POLR1A: variants seen among roughly 807,000 people sequenced by gnomAD.
POLR1A encodes RNA polymerase I subunit A, also known as DNA-directed RNA polymerase I subunit RPA1.
POLR1A carries 84 observed loss-of-function variants against 205.3 expected under a neutral mutation model. The observed-to-expected ratio is 0.41, with a 90% CI of 0.34 to 0.49. The LOEUF (loss-of-function observed/expected upper bound fraction) is 0.49, where lower values mean the gene tolerates loss of function less well. Among genes scored for constraint, POLR1A ranks in the 20% least tolerant of loss-of-function variants. POLR1A has a pLI of 0.22. For missense variants in POLR1A, 1,645 were observed against 2,204.5 expected (o/e 0.75, Z 5.08); for synonymous variants, 799 against 863.7 (o/e 0.93, Z 1.31).
At chr2:86,055,024 C>T (rs779062905) in intron 14 of POLR1A, among the ~76,000 whole-genome samples, 15 of 152,160 alleles carry the variant, frequency 9.9e-5, no homozygotes, top group East Asian at 1.9e-4. Flanking sequence ...AACGAGGGCG[C>T]GGTGGCTCAC....
intron 4 of POLR1A, 87 bp from the exon 5 acceptor site, chr2:86,088,957 T>C: frequency 1.0e-6 from 1 of 990,892 alleles, no homozygotes; most frequent in Non-Finnish European, 1.5e-6. Context: ...CACCTTTTAT[T>C]TTTAACCAGC....
At chr2:86,032,775 G>GTATC (rs1558762193) in intron 28 of POLR1A, among the ~76,000 whole-genome samples, 1 of 152,218 alleles carries the variant, frequency 6.6e-6, no homozygotes, top group Non-Finnish European at 1.5e-5. Flanking sequence ...AGAATACTGA[G>GTATC]TATCTCTTCC....
At chr2:86,078,530 ATT>A (rs1418367499) in intron 9 of POLR1A, among the ~76,000 whole-genome samples, 1 of 152,230 alleles carries the variant, frequency 6.6e-6, no homozygotes, top group African/African-American at 2.4e-5. Flanking sequence ...TGAACTCAAA[ATT>A]TATAAGCATG....
At position 86,082,878 on chromosome 2, in the gene POLR1A, T is replaced by C. The variant is rs114524590; in HGVS notation, c.817+204A>G. Among the ~76,000 whole-genome samples the C allele has an allele frequency of 6.9e-3, 1,049 of 152,322 alleles. 15 individuals carry two copies. The highest frequency in any genetic ancestry group is 0.023 in the African/African-American group (965 of 41,568). On this transcript the variant is annotated intron_variant, in intron 7 of 33. Coordinates refer to ENST00000263857, the MANE Select transcript of POLR1A (RefSeq NM_015425.6). ...TAACCAGGCTCAGCTGCGATAATTG[T>C]CAAGTTTTTGGTGCTGGGTATGACC...
chr2:86,086,089 G>T (rs1375834435), intron 6 of POLR1A, among the ~76,000 whole-genome samples: 1 of 151,658 alleles, frequency 6.6e-6, no homozygotes, highest in Admixed American at 6.6e-5. Context: ...ATGGGGTTTC[G>T]CTCTTGTTGC....
chr2:86,078,275 A>G lies in POLR1A; in HGVS notation c.1096T>C (p.Ser366Pro). 5.7e-6 allele frequency: 9 copies of G among 1,567,922 alleles called. No homozygotes were observed. The highest frequency in any genetic ancestry group is 6.0e-6 in the Non-Finnish European group (7 of 1,161,826). The change falls in exon 10 of 34, where the codon TCT becomes CCT. Residue 366 changes from serine to proline, a missense_variant. Around this residue, in one of 16 missense-constraint regions of POLR1A, gnomAD observed 78 missense variants for 77.7 expected, o/e 1.00. Transcript: ENST00000263857. The stretch of plus-strand genomic sequence containing the variant: ...AAGGATCGGTCAATAGCAATCAAAG[A>G]GTCTTTTTCCTGGAAGATGAAACCA... ...ATPTTDEEKDSLIAIDRSFLS... is the reference protein window; with the variant it reads ...ATPTTDEEKDPLIAIDRSFLS...
chr2:86,088,492 AC>A, intron 6 of POLR1A, 73 bp downstream of exon 6: 1 of 923,478 alleles, frequency 1.1e-6, no homozygotes, highest in Non-Finnish European at 1.8e-6. Flanking sequence ...GGTGAGGAGA[AC>A]CAGGTATTCC....
intron 15 of POLR1A, 123 bp downstream of exon 15, chr2:86,054,017 C>T (rs2104399929): frequency 1.1e-6 from 1 of 915,960 alleles, no homozygotes; most frequent in East Asian, 2.6e-5. Context: ...AGGCACAACG[C>T]CTTCTCTTCT....
rs1378065989 is a variant in POLR1A at position 86,043,094 on chromosome 2, G to A, written c.3237C>T (p.His1079=). 6.2e-7 allele frequency: 1 copy of A among 1,614,036 alleles called. No homozygotes were observed. Among genetic ancestry groups the A allele is most frequent in the Non-Finnish European group, 8.5e-7 (1 of 1,180,016 alleles). The change falls in exon 23 of 34, where the codon CAC becomes CAT. Residue 1079 remains histidine, a synonymous_variant. Transcript: ENST00000263857. ...FRAIKKWQSK[H]PNTLLRRGAF... ...CGCCTCTTCTCAGCAGGGTGTTGGG[G>A]TGCTTGCTTTGCCATTTTTTGATAG...
intron 7 of POLR1A, among the ~76,000 whole-genome samples, chr2:86,082,004 G>T (rs964547564): frequency 9.2e-5 from 14 of 151,662 alleles, no homozygotes; most frequent in African/African-American, 3.2e-4. Context: ...GCTAATTTTT[G>T]TATTTTTTTT....
intron 16 of POLR1A, among the ~76,000 whole-genome samples, chr2:86,051,519 C>A (rs1672802938): frequency 6.6e-6 from 1 of 152,258 alleles, no homozygotes; most frequent in Non-Finnish European, 1.5e-5. Context: ...ACTCTGTCTG[C>A]ACACGAGTGG....
intron 3 of POLR1A, among the ~76,000 whole-genome samples, chr2:86,096,624 T>C (rs1428937352): frequency 6.6e-6 from 1 of 152,110 alleles, no homozygotes; most frequent in Non-Finnish European, 1.5e-5. Flanking sequence ...AATCTGCATA[T>C]CTACAGCCAA....
chr2:86,071,228 A>ATGTGTG (rs3077169), intron 12 of POLR1A, among the ~76,000 whole-genome samples: 734 of 43,604 alleles, frequency 0.017, 5 homozygotes, highest in South Asian at 0.023. Context: ...CTCCGTGTGC[A>ATGTGTG]TGTGTGTGTG....
chr2:86,078,230 G>C lies in POLR1A; in HGVS notation c.1141C>G (p.Gln381Glu). ...DRSFLSTLPG[Q>E]SLIDKLYNIW... Reference sequence around the variant, plus strand: ...TTGTAAAGTTTGTCTATGAGGGACTGGCCTGGAAGTGTACTCAAAAAGGAT... The same window carrying C: ...TTGTAAAGTTTGTCTATGAGGGACTCGCCTGGAAGTGTACTCAAAAAGGAT... The change falls in exon 10 of 34, where the codon CAG (glutamine) becomes GAG (glutamate). Residue 381 changes from glutamine (Q) to glutamate (E), a missense_variant. By Grantham distance (29) the Gln-to-Glu change is conservative. Around this residue, in one of 16 missense-constraint regions of POLR1A, gnomAD observed 78 missense variants for 77.7 expected, o/e 1.00. Transcript: ENST00000263857. 6.2e-7 allele frequency: 1 copy of C among 1,606,974 alleles called. No individual in the cohort carries two copies.
chr2:86,081,707 C>T lies in POLR1A; in HGVS notation c.818-1G>A. 1 of 1,584,784 alleles carries T rather than the reference C, an allele frequency of 6.3e-7. No individual in the cohort carries two copies. The highest frequency in any genetic ancestry group is 8.6e-7 in the Non-Finnish European group (1 of 1,156,622). On this transcript the variant is annotated splice_acceptor_variant, in intron 7 of 33. Coordinates refer to ENST00000263857, the MANE Select transcript of POLR1A (RefSeq NM_015425.6). LOFTEE classifies it high-confidence loss of function. ...GAAAAAAGGTAGTTCAGAAAGAATCCTGCGTTGGAAAGAAATAAACCAAGA... is the reference window on the plus strand; with the variant it reads ...GAAAAAAGGTAGTTCAGAAAGAATCTTGCGTTGGAAAGAAATAAACCAAGA...
intron 28 of POLR1A, among the ~76,000 whole-genome samples, chr2:86,033,438 G>A (rs1201498289): frequency 6.6e-6 from 1 of 152,276 alleles, no homozygotes; most frequent in African/African-American, 2.4e-5. Flanking sequence ...CCTGCCCCGG[G>A]GCTGGCTACA....
intron 3 of POLR1A, among the ~76,000 whole-genome samples, chr2:86,096,555 G>A (rs1673706583): frequency 6.6e-6 from 1 of 152,134 alleles, no homozygotes; most frequent in Non-Finnish European, 1.5e-5. Context: ...AACCAAAACA[G>A]TAGGATACTG....
intron 28 of POLR1A, among the ~76,000 whole-genome samples, chr2:86,032,847 A>G (rs1184958255): frequency 6.6e-6 from 1 of 152,186 alleles, no homozygotes; most frequent in Non-Finnish European, 1.5e-5. Context: ...ATTAAGAATC[A>G]AGACCAGGCA....
intron 15 of POLR1A, among the ~76,000 whole-genome samples, chr2:86,053,230 T>A (rs1489550613): frequency 6.6e-6 from 1 of 152,146 alleles, no homozygotes; most frequent in Admixed American, 6.5e-5. Flanking sequence ...CAGCAGTTTT[T>A]TTTCTTCCCT....
Sources: gnomAD v4.1 joint callset for allele counts (sites outside exome capture counted in the v4.1 genomes callset) on GRCh38, gnomAD v4.1.1 for gene constraint, gnomAD v4.1.1 regional missense constraint, MANE v1.5 for transcripts, NCBI Gene and HGNC (gene_info 2026-07-23, HGNC 2026-07-21) for gene names.